SAMSN1: variants seen among roughly 807,000 people sequenced by gnomAD.
SAMSN1 encodes the protein SAM domain, SH3 domain and nuclear localization signals 1, also known as SAM domain-containing protein SAMSN-1.
In SAMSN1, 31 loss-of-function variants were observed where a neutral mutation model predicts 42.0. The observed-to-expected ratio is 0.74, with a 90% CI of 0.55 to 1.00. The LOEUF (loss-of-function observed/expected upper bound fraction) is 1.00. Among genes scored for constraint, SAMSN1 ranks in the 50% least tolerant of loss-of-function variants. The pLI is 0.00. For synonymous variants in SAMSN1, 178 were observed against 151.9 expected (o/e 1.17, Z -1.26); for missense variants, 464 against 439.4 (o/e 1.06, Z -0.50).
chr21:14,550,098 G>A (rs1350952097), upstream of SAMSN1, among the ~76,000 whole-genome samples: 1 of 152,030 alleles, frequency 6.6e-6, no homozygotes, highest in Non-Finnish European at 1.5e-5. Context: ...CTTACCATAG[G>A]TGGATTAAAC....
intron 2 of SAMSN1, among the ~76,000 whole-genome samples, chr21:14,575,631 T>C (rs1981434763): frequency 6.6e-6 from 1 of 152,230 alleles, no homozygotes; most frequent in Non-Finnish European, 1.5e-5. Context: ...TATGCATTGA[T>C]AGTTCATAGT....
chr21:14,601,064 G>A (rs1982417099), intron 6 of SAMSN1, among the ~76,000 whole-genome samples: 1 of 152,190 alleles, frequency 6.6e-6, no homozygotes, highest in Non-Finnish European at 1.5e-5. Flanking sequence ...AACAGAGGCA[G>A]AGAGAGTCTA....
intron 2 of SAMSN1, among the ~76,000 whole-genome samples, chr21:14,577,230 A>G (rs1161155422): frequency 9.7e-4 from 36 of 37,222 alleles, no homozygotes; most frequent in Non-Finnish European, 1.2e-3. Context: ...TAATTTATAT[A>G]TATGTGTGTA....
chr21:14,533,699 T>G (rs146482609), intron 1 of SAMSN1, among the ~76,000 whole-genome samples: 43 of 152,372 alleles, frequency 2.8e-4, no homozygotes, highest in African/African-American at 9.6e-4. Flanking sequence ...ATTGATTTGC[T>G]GTGGGAAATT....
At chr21:14,537,961 C>T (rs1345245734) in intron 1 of SAMSN1, among the ~76,000 whole-genome samples, 5 of 152,088 alleles carry the variant, frequency 3.3e-5, no homozygotes, top group Non-Finnish European at 7.4e-5. Context: ...CCTTGATGAA[C>T]CTTGAGATAC....
At chr21:14,539,867 G>A (rs913604208) in intron 1 of SAMSN1, among the ~76,000 whole-genome samples, 9 of 152,172 alleles carry the variant, frequency 5.9e-5, no homozygotes, top group African/African-American at 1.9e-4. Context: ...CAAAGCTGGA[G>A]GCATCACGCT....
intron 2 of SAMSN1, among the ~76,000 whole-genome samples, chr21:14,627,295 A>T (rs923470803): frequency 6.6e-6 from 1 of 152,068 alleles, no homozygotes; most frequent in South Asian, 2.1e-4. Context: ...AAGCAATATA[A>T]ACACCAGGAG....
chr21:14,536,378 G>C (rs749027598), intron 1 of SAMSN1, among the ~76,000 whole-genome samples: 1 of 152,200 alleles, frequency 6.6e-6, no homozygotes. Flanking sequence ...ACCTTATAAA[G>C]CTTCCTATAA....
intron 6 of SAMSN1, among the ~76,000 whole-genome samples, chr21:14,595,171 C>A (rs2123283297): frequency 6.6e-6 from 1 of 152,266 alleles, no homozygotes; most frequent in South Asian, 2.1e-4. Flanking sequence ...TACCAGGCCC[C>A]ACCTACAACA....
At chr21:14,618,621 T>C (rs1568832732) in intron 2 of SAMSN1, among the ~76,000 whole-genome samples, 1 of 151,728 alleles carries the variant, frequency 6.6e-6, no homozygotes, top group Admixed American at 6.6e-5. Flanking sequence ...AAAGAAAGAC[T>C]ACATACACTT....
intron 1 of SAMSN1, among the ~76,000 whole-genome samples, chr21:14,528,080 G>A (rs1292148200): frequency 2.6e-5 from 4 of 152,070 alleles, no homozygotes; most frequent in East Asian, 1.9e-4. Flanking sequence ...TAAGATGGCC[G>A]AAGAATTGGT....
chr21:14,528,569 A>G (rs1196533023), intron 1 of SAMSN1, among the ~76,000 whole-genome samples: 2 of 152,162 alleles, frequency 1.3e-5, no homozygotes, highest in African/African-American at 4.8e-5. Context: ...GTATTTGCTC[A>G]TTGCTGTCTT....
intron 5 of SAMSN1, among the ~76,000 whole-genome samples, chr21:14,501,853 A>G (rs1210288664): frequency 6.6e-6 from 1 of 152,210 alleles, no homozygotes; most frequent in Non-Finnish European, 1.5e-5. Context: ...GGACAAACCA[A>G]TTGGTCTTTT....
intron 3 of SAMSN1, among the ~76,000 whole-genome samples, chr21:14,614,367 A>C (rs1280030974): frequency 3.9e-5 from 6 of 152,172 alleles, no homozygotes; most frequent in African/African-American, 1.4e-4. Context: ...TGAGTTTATC[A>C]TTAACTCTTC....
intron 5 of SAMSN1, among the ~76,000 whole-genome samples, chr21:14,505,247 T>C (rs1987347128): frequency 6.6e-6 from 1 of 152,176 alleles, no homozygotes; most frequent in Admixed American, 6.5e-5. Flanking sequence ...TAGTACCTCA[T>C]ATCTCAATAC....
intron 2 of SAMSN1, among the ~76,000 whole-genome samples, chr21:14,633,134 C>A (rs1983374749): frequency 6.6e-6 from 1 of 151,990 alleles, no homozygotes; most frequent in Non-Finnish European, 1.5e-5. Flanking sequence ...CATGGCTAGG[C>A]CACAGTACCC....
intron 2 of SAMSN1, among the ~76,000 whole-genome samples, chr21:14,633,544 C>A (rs973372201): frequency 6.6e-6 from 1 of 152,184 alleles, no homozygotes; most frequent in Non-Finnish European, 1.5e-5. Flanking sequence ...CATTTTAATG[C>A]TCTTACTATT....
intron 4 of SAMSN1, chr21:14,612,690 T>G: frequency 3.1e-6 from 2 of 652,466 alleles, no homozygotes; most frequent in Middle Eastern, 2.5e-4. Flanking sequence ...ATCAATGATT[T>G]CTTTGTCATA....
exon 2 of SAMSN1, chr21:14,582,430 T>C (rs1981768997): frequency 6.5e-7 from 1 of 1,542,544 alleles, no homozygotes; most frequent in African/African-American, 1.4e-5. Flanking sequence ...CACTATTCAC[T>C]TTCTTTTCTC....
Sources: gnomAD v4.1 joint callset for allele counts (sites outside exome capture counted in the v4.1 genomes callset) on GRCh38, gnomAD v4.1.1 for gene constraint, MANE v1.5 for transcripts, NCBI Gene and HGNC (gene_info 2026-07-23, HGNC 2026-07-21) for gene names.